ZNF362: variants seen among roughly 807,000 people sequenced by gnomAD.
ZNF362 encodes the protein rotund homolog.
ZNF362 carries 11 observed loss-of-function variants against 42.9 expected under a neutral mutation model. The observed-to-expected ratio is 0.26, with a 90% CI of 0.16 to 0.42. The LOEUF is 0.42. Ranked by LOEUF, ZNF362 falls within the 20% of genes least tolerant of loss-of-function variation. The pLI, the probability that ZNF362 is intolerant of heterozygous loss-of-function variation, is 1.00. For synonymous variants in ZNF362, 255 were observed against 257.3 expected, an observed-to-expected ratio of 0.99 and a Z score of 0.09; for missense variants, 362 against 576.2, an observed-to-expected ratio of 0.63 and a Z score of 3.81.
At position 33,293,295 on chromosome 1, in the gene ZNF362, C is replaced by T. The variant is rs148446402; in HGVS notation, c.909-1642C>T. On this transcript the variant is annotated intron_variant, in intron 6 of 8. Coordinates refer to ENST00000539719, the MANE Select transcript of ZNF362 (RefSeq NM_152493.3). ...GGGGAGACTTATCAGACATGGCTGG[C>T]AGGGAAGAATCATTATCTGACCAGG... Among the ~76,000 whole-genome samples, 560 of 152,242 alleles carry T rather than the reference C, an allele frequency of 3.7e-3. 32 individuals carry two copies. The East Asian group carries it at 0.093, about 25-fold the overall frequency.
chr1:33,275,273 A>G (rs901629558), intron 2 of ZNF362: 3 of 985,266 alleles, frequency 3.0e-6, no homozygotes, highest in Non-Finnish European at 3.6e-6. Context: ...CATCCTTCAT[A>G]CTGCCCTGGT....
chr1:33,145,421 T>C, the ZNF362 span: 1 of 162,786 alleles, frequency 6.1e-6, no homozygotes, highest in Non-Finnish European at 1.3e-5. Context: ...TAACTTTAAT[T>C]TAATACAAAT....
the ZNF362 span, among the ~76,000 whole-genome samples, chr1:33,150,769 TA>T: frequency 6.6e-5 from 10 of 151,594 alleles, no homozygotes; most frequent in Admixed American, 5.9e-4. Context: ...GAGTGTGTGG[TA>T]GGGGGAAGAG....
Position 33,280,483 on chromosome 1 carries a change from C to T in ZNF362, c.683+26C>T, listed in dbSNP as rs896110171. 2 of 1,526,468 alleles carry T rather than the reference C, an allele frequency of 1.3e-6. No homozygotes were observed. The highest frequency in any genetic ancestry group is 8.8e-7 in the Non-Finnish European group (1 of 1,131,876). 94.6% of individuals were successfully genotyped at this position (1,526,468 alleles called of 1,614,324 possible). A position where few individuals can be genotyped will look rare whatever the true frequency, so the allele number is the denominator to read the frequency against. ...GTGGGGGTCTTGGCGGGATGGGGTC[C>T]GAGTGGGCTTGGGGCTGGGGCTTGA... On this transcript the variant is annotated intron_variant, in intron 5 of 8. Coordinates refer to ENST00000539719, the MANE Select transcript of ZNF362 (RefSeq NM_152493.3). The surrounding 1 kb of genome is among the most constrained non-coding windows in gnomAD (Gnocchi z 5.6).
the ZNF362 span, among the ~76,000 whole-genome samples, chr1:33,247,191 C>G: frequency 6.6e-6 from 1 of 152,150 alleles, no homozygotes; most frequent in African/African-American, 2.4e-5. Context: ...ATTTCTATTT[C>G]TAGCAACCCA....
At chr1:33,147,196 A>G in the ZNF362 span, 1 of 1,613,638 alleles carries the variant, frequency 6.2e-7, no homozygotes, top group Non-Finnish European at 8.5e-7. This position sits in a 1 kb window ranked among gnomAD's most constrained non-coding sequence, Gnocchi z 8.1. Context: ...GACGGTGTTG[A>G]TCCGCAGCGG....
the ZNF362 span, among the ~76,000 whole-genome samples, chr1:33,197,279 C>T: frequency 6.6e-6 from 1 of 152,168 alleles, no homozygotes; most frequent in African/African-American, 2.4e-5. Context: ...CTTCTCTCCT[C>T]CCCAGTTTGC....
At chr1:33,147,660 G>A in the ZNF362 span, 1 of 1,613,932 alleles carries the variant, frequency 6.2e-7, no homozygotes, top group Non-Finnish European at 8.5e-7. This position sits in a 1 kb window ranked among gnomAD's most constrained non-coding sequence, Gnocchi z 8.1. Flanking sequence ...AAGCCACAAT[G>A]GTGCAGTCGT....
At chr1:33,229,989 A>G in the ZNF362 span, among the ~76,000 whole-genome samples, 2 of 152,208 alleles carry the variant, frequency 1.3e-5, no homozygotes, top group Non-Finnish European at 2.9e-5. Flanking sequence ...ATTTAGAGAT[A>G]AGCACTATTT....
the ZNF362 span, among the ~76,000 whole-genome samples, chr1:33,139,837 G>C: frequency 6.6e-6 from 1 of 152,138 alleles, no homozygotes. Flanking sequence ...CTGCTGTAGA[G>C]CTGCCATATG....
At chr1:33,297,507 A>G (rs1191059205) in intron 8 of ZNF362, among the ~76,000 whole-genome samples, 2 of 57,912 alleles carry the variant, frequency 3.5e-5, no homozygotes, top group African/African-American at 1.6e-4. Context: ...TATTTACATG[A>G]TTCCTCTTTT....
In ZNF362 at chr1:33,280,333, C is replaced by G. The variant is rs369076583; in HGVS notation, c.559C>G (p.Pro187Ala). 3 of 1,614,050 alleles carry G rather than the reference C, an allele frequency of 1.9e-6. No homozygotes were observed. Among genetic ancestry groups the G allele is most frequent in the Middle Eastern group, 1.6e-4 (1 of 6,062 alleles). ...KTIQGHGLLGPPKSERGRKKI... is the reference protein window; with the variant it reads ...KTIQGHGLLGAPKSERGRKKI... ...AATCCAGGGCCACGGCCTGCTTGGC[C>G]CCCCCAAGTCCGAACGCGGCCGCAA... The change falls in exon 5 of 9, where the codon CCC becomes GCC. Residue 187 changes from proline to alanine, a missense_variant. Around this residue, in one of 3 missense-constraint regions of ZNF362, gnomAD observed 266 missense variants for 365.4 expected, o/e 0.73. Transcript: ENST00000539719. The surrounding 1 kb of genome is among the most constrained non-coding windows in gnomAD (Gnocchi z 5.6).
Position 33,295,056 on chromosome 1 carries a change from GC to G in ZNF362, c.987+48del, listed in dbSNP as rs376359651. On this transcript the variant is annotated intron_variant, in intron 7 of 8. Coordinates refer to ENST00000539719, the MANE Select transcript of ZNF362 (RefSeq NM_152493.3). ...CCTCCTGCCCACCAGGTGCTCTGGT[GC>G]CCCCCCACCCACCCCCACAAGGAAG... The G allele has an allele frequency of 1.2e-4, 188 of 1,611,170 alleles. 5 individuals carry two copies. The South Asian group carries it at 1.5e-3, about 13-fold the overall frequency.
the ZNF362 span, among the ~76,000 whole-genome samples, chr1:33,240,396 C>T: frequency 6.6e-6 from 1 of 152,170 alleles, no homozygotes; most frequent in African/African-American, 2.4e-5. Flanking sequence ...AGTGATAAAA[C>T]AGTCTTCCCT....
chr1:33,207,555 A>AGT, the ZNF362 span, among the ~76,000 whole-genome samples: 4 of 152,186 alleles, frequency 2.6e-5, no homozygotes, highest in Non-Finnish European at 5.9e-5. Context: ...GAACTAATTT[A>AGT]CACTCCCATC....
At chr1:33,176,736 C>A in the ZNF362 span, among the ~76,000 whole-genome samples, 2 of 152,220 alleles carry the variant, frequency 1.3e-5, no homozygotes, top group Admixed American at 1.3e-4. Context: ...AGACTGGCTT[C>A]CAATCCTGGC....
chr1:33,174,998 C>CGTATTTAT, the ZNF362 span, among the ~76,000 whole-genome samples: 1 of 40,706 alleles, frequency 2.5e-5, no homozygotes, highest in Non-Finnish European at 4.9e-5. Context: ...TGCACACACA[C>CGTATTTAT]ATGTATGTAT....
chr1:33,175,537 C>T, the ZNF362 span, among the ~76,000 whole-genome samples: 1 of 152,130 alleles, frequency 6.6e-6, no homozygotes, highest in Non-Finnish European at 1.5e-5. Flanking sequence ...AAATGGGGAG[C>T]GTGTCAACCA....
chr1:33,172,241 C>CG, the ZNF362 span, among the ~76,000 whole-genome samples: 1 of 152,098 alleles, frequency 6.6e-6, no homozygotes, highest in African/African-American at 2.4e-5. Context: ...GGACTCAGAA[C>CG]GGGGGGAGCT....
Sources: allele counts gnomAD v4.1 joint callset (sites outside exome capture counted in the v4.1 genomes callset), GRCh38; gene constraint gnomAD v4.1.1; regional missense constraint gnomAD v4.1.1; non-coding constraint Gnocchi (gnomAD v3.1); transcripts MANE v1.5; gene names NCBI Gene and HGNC (gene_info 2026-07-23, HGNC 2026-07-21).